Variants in MRC2 observed in about 807,000 individuals in gnomAD.
MRC2 encodes the protein C-type mannose receptor 2.
Under a neutral mutation model 206.2 loss-of-function variants are expected in MRC2, and 84 were observed. The ratio of observed to expected loss-of-function variants is 0.41; its 90% confidence interval spans 0.34 to 0.49. The LOEUF (loss-of-function observed/expected upper bound fraction) is 0.49. Among genes scored for constraint, MRC2 ranks in the 20% least tolerant of loss-of-function variants. MRC2 has a pLI of 0.31. For synonymous variants in MRC2, 798 were observed against 800.0 expected (o/e 1.00, Z 0.04); for missense variants, 1,676 against 2,001.5 (o/e 0.84, Z 3.10).
In MRC2 at chr17:62,667,239, C is replaced by A; in HGVS notation, c.974-151C>A. On this transcript the variant is annotated intron_variant, in intron 5 of 29. Coordinates refer to ENST00000303375, the MANE Select transcript of MRC2 (RefSeq NM_006039.5). This position sits in a 1 kb window ranked among gnomAD's most constrained non-coding sequence, Gnocchi z 4.1. ...TAGAAAGCGCGGAGGACCCCGTGGT[C>A]TGGGGCGGAGCTGGAGCTGAGCACC... 1 of 1,031,818 alleles carries A rather than the reference C, an allele frequency of 9.7e-7. No homozygotes were observed. The highest frequency in any genetic ancestry group is 1.4e-6 in the Non-Finnish European group (1 of 732,582). The allele number at this position is 1,031,818 out of a possible 1,614,324, so 63.9% of individuals were successfully genotyped here. A position where few individuals can be genotyped will look rare whatever the true frequency, so the allele number is the denominator to read the frequency against.
intron 1 of MRC2, among the ~76,000 whole-genome samples, chr17:62,663,301 C>A (rs1407314005): frequency 6.6e-6 from 1 of 151,882 alleles, no homozygotes; most frequent in Non-Finnish European, 1.5e-5. Context: ...CCTACCCTCC[C>A]TTGCTCCTTC....
intron 1 of MRC2, among the ~76,000 whole-genome samples, chr17:62,658,333 A>G (rs909106239): frequency 7.2e-5 from 11 of 152,214 alleles, no homozygotes; most frequent in African/African-American, 2.4e-4. Flanking sequence ...TGCCTGGAAC[A>G]TGCCATGCAC....
rs2088942416 is a variant in MRC2 at position 62,680,040 on chromosome 17, C to T, written c.2299-130C>T. The T allele has an allele frequency of 2.0e-6, 3 of 1,519,008 alleles. No homozygotes were observed. The highest frequency in any genetic ancestry group is 2.7e-5 in the African/African-American group (2 of 72,908). The allele number at this position is 1,519,008 out of a possible 1,614,324, so 94.1% of individuals were successfully genotyped here. The stretch of plus-strand genomic sequence containing the variant: ...GGAGCCGGCTTCAGGAAAGCAGGTC[C>T]GAGAGGGGTCACCCGGCCCCCGGTG... On this transcript the variant is annotated intron_variant, in intron 14 of 29. Transcript: ENST00000303375. The surrounding 1 kb of genome is among the most constrained non-coding windows in gnomAD (Gnocchi z 4.8).
chr17:62,690,229 C>T lies in MRC2; in HGVS notation c.3816C>T (p.Pro1272=), dbSNP rs760230786. The part of the protein sequence containing the change: ...PQGLADSAWI[P]FREHCYSFHM... ...GACTGGCAGACTCCGCGTGGATTCC[C>T]TTCCGGGAGCACTGCTATTCTTTCC... Residue 1272 remains proline (P), a synonymous_variant, in exon 26 of 30, where the codon CCC becomes CCT. Coordinates refer to ENST00000303375, the MANE Select transcript of MRC2 (RefSeq NM_006039.5). The T allele has an allele frequency of 5.6e-6, 9 of 1,613,360 alleles. No homozygotes were observed. The highest frequency in any genetic ancestry group is 7.6e-6 in the Non-Finnish European group (9 of 1,179,720).
chr17:62,648,175 G>A (rs529197591), intron 1 of MRC2, among the ~76,000 whole-genome samples: 9 of 152,298 alleles, frequency 5.9e-5, no homozygotes, highest in Admixed American at 1.3e-4. Context: ...AGGCCCAGGC[G>A]GGCGGATCAC....
intron 1 of MRC2, among the ~76,000 whole-genome samples, chr17:62,663,098 T>C (rs2088700598): frequency 6.6e-6 from 1 of 152,122 alleles, no homozygotes; most frequent in African/African-American, 2.4e-5. Flanking sequence ...AGGTGATGGA[T>C]GTCACAGAGA....
intron 1 of MRC2, among the ~76,000 whole-genome samples, chr17:62,640,491 T>C (rs1457300225): frequency 6.6e-6 from 1 of 152,114 alleles, no homozygotes; most frequent in Non-Finnish European, 1.5e-5. Context: ...ATCTCAAACG[T>C]ACACTGATTT....
chr17:62,678,474 A>G (rs771236151), intron 12 of MRC2, 30 bp from the exon 13 acceptor site: 1 of 1,602,180 alleles, frequency 6.2e-7, no homozygotes, highest in Non-Finnish European at 8.5e-7. Context: ...CAGTGGGGAC[A>G]GCTTAGACAG....
At chr17:62,648,290 G>C (rs1240020665) in intron 1 of MRC2, among the ~76,000 whole-genome samples, 1 of 152,240 alleles carries the variant, frequency 6.6e-6, no homozygotes, top group Non-Finnish European at 1.5e-5. Context: ...TGTAATCCCA[G>C]CTACTCAGGA....
chr17:62,666,918 C>A lies in MRC2; in HGVS notation c.973+48C>A. On this transcript the variant is annotated intron_variant, in intron 5 of 29. Coordinates refer to ENST00000303375, the MANE Select transcript of MRC2 (RefSeq NM_006039.5). The surrounding 1 kb of genome is among the most constrained non-coding windows in gnomAD (Gnocchi z 5.0). ...CAGGGCAGCATAGGGGCCCCGCGGG[C>A]TCTTGGCCTCCCATGGACTCCTCTC... 1 of 1,449,636 alleles carries A rather than the reference C, an allele frequency of 6.9e-7. No homozygotes were observed. The highest frequency in any genetic ancestry group is 9.6e-7 in the Non-Finnish European group (1 of 1,038,056). 89.8% of individuals were successfully genotyped at this position (1,449,636 alleles called of 1,614,324 possible). A position where few individuals can be genotyped will look rare whatever the true frequency, so the allele number is the denominator to read the frequency against.
At chr17:62,679,778 C>G (rs1173939249) in intron 13 of MRC2, 22 bp from the exon 14 acceptor site, 1 of 1,610,454 alleles carries the variant, frequency 6.2e-7, no homozygotes, top group South Asian at 1.1e-5. Flanking sequence ...TCTTCCGTCC[C>G]CACTCCTGGG....
intron 19 of MRC2, 27 bp downstream of exon 19, chr17:62,681,964 G>T (rs112470378): frequency 1.2e-5 from 19 of 1,585,852 alleles, no homozygotes; most frequent in Non-Finnish European, 1.6e-5. Flanking sequence ...GGCAGAGTGC[G>T]CAGTCAGCTG....
At position 62,675,944 on chromosome 17, in the gene MRC2, T is replaced by C. The variant is rs1180321352; in HGVS notation, c.1685+39T>C. Reference sequence around the variant, plus strand: ...GGGTGCCCTGACTAGCCCTTGCCCATGTCTGGGCCTATTGTGGTCCCTTCA... The same window carrying C: ...GGGTGCCCTGACTAGCCCTTGCCCACGTCTGGGCCTATTGTGGTCCCTTCA... On this transcript the variant is annotated intron_variant, in intron 10 of 29. Coordinates refer to ENST00000303375, the MANE Select transcript of MRC2 (RefSeq NM_006039.5). The surrounding 1 kb of genome is among the most constrained non-coding windows in gnomAD (Gnocchi z 4.1). 1.9e-6 allele frequency: 3 copies of C among 1,538,504 alleles called. No homozygotes were observed. Among genetic ancestry groups the C allele is most frequent in the East Asian group, 4.5e-5 (2 of 44,484 alleles).
In MRC2 at chr17:62,666,436, A is replaced by G. The variant is rs1051313621; in HGVS notation, c.695-19A>G. ...GGACCCTGGAGGGGGCCTGAAGGAG[A>G]GGGCTGTCGTGGTGGCAGGTAACGA... On this transcript the variant is annotated intron_variant, in intron 3 of 29. Transcript: ENST00000303375. This position sits in a 1 kb window ranked among gnomAD's most constrained non-coding sequence, Gnocchi z 5.0. The G allele has an allele frequency of 1.9e-6, 3 of 1,613,542 alleles. No individual in the cohort carries two copies. In the African/African-American group the frequency reaches 4.0e-5, roughly 22 times the overall value.
chr17:62,627,771 G>A lies in MRC2; in HGVS notation c.-32G>A, dbSNP rs1420701461. The stretch of plus-strand genomic sequence containing the variant: ...AGCGCGTTGCGCCTGTGCGCCCTCG[G>A]TCCCCGCGTCCACTGAGCGCCGCGC... On this transcript the variant is annotated 5_prime_UTR_variant, in exon 1 of 30. Transcript: ENST00000303375. The A allele has an allele frequency of 1.4e-5, 19 of 1,380,892 alleles. No individual in the cohort carries two copies. Among genetic ancestry groups the A allele is most frequent in the South Asian group, 1.6e-5 (1 of 61,336 alleles). The allele number at this position is 1,380,892 out of a possible 1,614,324, so 85.5% of individuals were successfully genotyped here.
At chr17:62,681,434 C>T (rs919904951) in intron 18 of MRC2, 31 of 513,594 alleles carry the variant, frequency 6.0e-5, no homozygotes, top group Non-Finnish European at 6.9e-5. Context: ...ATGACTAAGG[C>T]CCTCTCGGGG....
Position 62,690,986 on chromosome 17 carries a change from C to G in MRC2, c.4050C>G (p.Asn1350Lys), listed in dbSNP as rs1415800543. The G allele has an allele frequency of 6.2e-7, 1 of 1,608,912 alleles. No individual in the cohort carries two copies. Among genetic ancestry groups the G allele is most frequent in the East Asian group, 2.2e-5 (1 of 44,752 alleles). The change falls in exon 28 of 30, where the codon AAC becomes AAG. Residue 1350 changes from asparagine (N) to lysine (K), a missense_variant. Physicochemically the swap from Asn to Lys is moderately conservative, Grantham distance 94. Coordinates refer to ENST00000303375, the MANE Select transcript of MRC2 (RefSeq NM_006039.5). The stretch of plus-strand genomic sequence containing the variant: ...TCTGGCAGGACAACACAGCTGTGAA[C>G]TACTCCAACTGGGGGCCCCCGGGCT... ...TLVWQDNTAV[N>K]YSNWGPPGLG... is the part of the protein sequence containing the mutation.
At chr17:62,648,660 G>C (rs765282325) in intron 1 of MRC2, among the ~76,000 whole-genome samples, 1 of 152,196 alleles carries the variant, frequency 6.6e-6, no homozygotes, top group Non-Finnish European at 1.5e-5. Flanking sequence ...AGAGTTCAAA[G>C]ACAGAAACAT....
At position 62,692,166 on chromosome 17, in the gene MRC2, G is replaced by C. The variant is rs753072293; in HGVS notation, c.4219+28G>C. On this transcript the variant is annotated intron_variant, in intron 29 of 29. Coordinates refer to ENST00000303375, the MANE Select transcript of MRC2 (RefSeq NM_006039.5). The surrounding 1 kb of genome is among the most constrained non-coding windows in gnomAD (Gnocchi z 4.2). Reference sequence around the variant, plus strand: ...GAGTGAAAGGCAATGCCCCCAGGTGGGCAGGCAGGAAGCACTGCTGGGCCT... The same window carrying C: ...GAGTGAAAGGCAATGCCCCCAGGTGCGCAGGCAGGAAGCACTGCTGGGCCT... 5.0e-6 allele frequency: 8 copies of C among 1,614,180 alleles called. No homozygotes were observed. The highest frequency in any genetic ancestry group is 6.8e-6 in the Non-Finnish European group (8 of 1,180,052).
Sources: allele counts gnomAD v4.1 joint callset (sites outside exome capture counted in the v4.1 genomes callset), GRCh38; gene constraint gnomAD v4.1.1; non-coding constraint Gnocchi (gnomAD v3.1); transcripts MANE v1.5; gene names NCBI Gene and HGNC (gene_info 2026-07-23, HGNC 2026-07-21).